The following GATAD2A variants were observed in gnomAD, a reference collection of about 807,000 sequenced individuals.
GATAD2A encodes the protein transcriptional repressor p66-alpha.
In GATAD2A, 12 loss-of-function variants were observed where a neutral mutation model predicts 68.5. The observed-to-expected ratio is 0.18, with a 90% CI of 0.11 to 0.28. The LOEUF (loss-of-function observed/expected upper bound fraction) is 0.28. Among genes scored for constraint, GATAD2A ranks in the 10% least tolerant of loss-of-function variants. GATAD2A has a pLI of 1.00. For missense variants in GATAD2A, 755 were observed against 868.5 expected, an observed-to-expected ratio of 0.87 and a Z score of 1.64; for synonymous variants, 410 against 375.3, an observed-to-expected ratio of 1.09 and a Z score of -1.07.
intron 10 of GATAD2A, 141 bp downstream of exon 10, chr19:19,502,184 T>G: frequency 1.2e-6 from 1 of 860,976 alleles, no homozygotes; most frequent in Non-Finnish European, 1.8e-6. Context: ...CCCCTCTGTG[T>G]AACTTACCTG....
At chr19:19,429,144 G>A (rs1343819872) in intron 1 of GATAD2A, 9 of 974,152 alleles carry the variant, frequency 9.2e-6, no homozygotes, top group African/African-American at 5.3e-5. Context: ...GAGGTGATGC[G>A]CAAGCGCCTT....
rs2057762682 is a variant in GATAD2A, at chr19:19,465,092, T to A, written c.-6-248T>A. 13 of 568,682 alleles carry A rather than the reference T, an allele frequency of 2.3e-5. No individual in the cohort carries two copies. In the South Asian group the frequency reaches 2.5e-4, roughly 11 times the overall value. The allele number at this position is 568,682 out of a possible 1,614,324, so 35.2% of individuals were successfully genotyped here. ...GCCTCTGGCCCCCAACAGGGCAGGGTGTAGTTTGGCTCCACCAATGTTCAG... is the reference window on the plus strand; with the variant it reads ...GCCTCTGGCCCCCAACAGGGCAGGGAGTAGTTTGGCTCCACCAATGTTCAG... On this transcript the variant is annotated intron_variant, in intron 1 of 11. Coordinates refer to ENST00000683918, the MANE Select transcript of GATAD2A (RefSeq NM_001384528.1).
chr19:19,446,683 T>A (rs1366960213), intron 1 of GATAD2A, among the ~76,000 whole-genome samples: 1 of 152,198 alleles, frequency 6.6e-6, no homozygotes, highest in Non-Finnish European at 1.5e-5. Context: ...TTTCATCCAT[T>A]TTGAGTTAAT....
intron 2 of GATAD2A, among the ~76,000 whole-genome samples, chr19:19,480,342 A>G (rs2058969253): frequency 6.6e-6 from 1 of 152,220 alleles, no homozygotes; most frequent in Non-Finnish European, 1.5e-5. Flanking sequence ...CAGATTTGTC[A>G]ATGTCACCAC....
At chr19:19,403,906 G>A (rs2049972312), upstream of GATAD2A, among the ~76,000 whole-genome samples, 1 of 152,162 alleles carries the variant, frequency 6.6e-6, no homozygotes, top group African/African-American at 2.4e-5. Flanking sequence ...CGAGTCACCT[G>A]TTTGAGAATA....
At chr19:19,456,110 C>T (rs2056900640) in intron 1 of GATAD2A, among the ~76,000 whole-genome samples, 1 of 148,612 alleles carries the variant, frequency 6.7e-6, no homozygotes. Flanking sequence ...GCCGAGATCG[C>T]GCCACTGCAC....
chr19:19,425,822 C>T (rs1427033595), intron 1 of GATAD2A, among the ~76,000 whole-genome samples: 2 of 151,210 alleles, frequency 1.3e-5, no homozygotes, highest in African/African-American at 4.9e-5. Flanking sequence ...CAAGGTCTGG[C>T]TCTGTCGCCC....
At chr19:19,400,100 T>C (rs951716801) in intron 1 of GATAD2A, among the ~76,000 whole-genome samples, 1 of 152,090 alleles carries the variant, frequency 6.6e-6, no homozygotes, top group Admixed American at 6.6e-5. Context: ...TTAAACCATA[T>C]GTAGACACAA....
chr19:19,415,839 A>T (rs2051554239), intron 1 of GATAD2A, among the ~76,000 whole-genome samples: 1 of 151,084 alleles, frequency 6.6e-6, no homozygotes, highest in Non-Finnish European at 1.5e-5. Context: ...GATGGTCTTG[A>T]TCCCTTGACC....
chr19:19,477,366 G>T (rs531356239), intron 2 of GATAD2A, among the ~76,000 whole-genome samples: 3 of 152,230 alleles, frequency 2.0e-5, no homozygotes, highest in Non-Finnish European at 4.4e-5. Flanking sequence ...AAGCTTTGGG[G>T]GTTCATGCGA....
chr19:19,440,238 A>ATTTTAT, intron 1 of GATAD2A: 1 of 264,458 alleles, frequency 3.8e-6, no homozygotes, highest in Non-Finnish European at 7.3e-6. Context: ...GGATTTGCTC[A>ATTTTAT]TTTTATTTTT....
At chr19:19,436,681 G>T (rs573151381) in intron 1 of GATAD2A, among the ~76,000 whole-genome samples, 1 of 152,186 alleles carries the variant, frequency 6.6e-6, no homozygotes, top group African/African-American at 2.4e-5. Context: ...CCCCCGCTGC[G>T]TGGAGCTCTT....
At chr19:19,454,612 A>T (rs918340428) in intron 1 of GATAD2A, among the ~76,000 whole-genome samples, 29 of 150,868 alleles carry the variant, frequency 1.9e-4, no homozygotes, top group Non-Finnish European at 4.0e-4. Context: ...AAAAAAAAAA[A>T]TTTATTGGAG....
chr19:19,403,309 C>T (rs1395418860), upstream of GATAD2A, among the ~76,000 whole-genome samples: 1 of 152,132 alleles, frequency 6.6e-6, no homozygotes. Flanking sequence ...CAACCTGAGC[C>T]TATGGGACCC....
In GATAD2A at chr19:19,506,143, C is replaced by G. The variant is rs1268844793; in HGVS notation, c.*669C>G. 2.5e-6 allele frequency: 1 copy of G among 398,858 alleles called. No individual in the cohort carries two copies. Among genetic ancestry groups the G allele is most frequent in the African/African-American group, 2.1e-5 (1 of 48,610 alleles). The allele number at this position is 398,858 out of a possible 1,614,324, so 24.7% of individuals were successfully genotyped here. A position where few individuals can be genotyped will look rare whatever the true frequency, so the allele number is the denominator to read the frequency against. ...ACGGCCGGCCCGCCCCCGTGACTGA[C>G]TGACAGATGCAGGGATGGCCGAGGC... On this transcript the variant is annotated 3_prime_UTR_variant, in exon 12 of 12. Coordinates refer to ENST00000683918, the MANE Select transcript of GATAD2A (RefSeq NM_001384528.1).
intron 1 of GATAD2A, among the ~76,000 whole-genome samples, chr19:19,439,350 G>T (rs1251952883): frequency 1.3e-5 from 2 of 152,174 alleles, no homozygotes; most frequent in Admixed American, 1.3e-4. Flanking sequence ...CACAGGACAG[G>T]TAATGCACAT....
chr19:19,476,632 C>A (rs939190228), intron 2 of GATAD2A, among the ~76,000 whole-genome samples: 2 of 152,338 alleles, frequency 1.3e-5, no homozygotes, highest in Non-Finnish European at 2.9e-5. Context: ...GAGAGCCAGT[C>A]CTGTCCCTCA....
intron 1 of GATAD2A, among the ~76,000 whole-genome samples, chr19:19,413,451 T>G (rs2147146009): frequency 6.6e-6 from 1 of 152,338 alleles, no homozygotes; most frequent in African/African-American, 2.4e-5. Context: ...GTAGTGTCCC[T>G]GGGTTTGCCG....
intron 7 of GATAD2A, 33 bp downstream of exon 7, chr19:19,496,252 T>A (rs1473854551): frequency 5.0e-6 from 8 of 1,594,580 alleles, no homozygotes; most frequent in East Asian, 2.2e-5. Flanking sequence ...CCAGGGAGAG[T>A]GTGTGTCCCA....
Sources: allele counts gnomAD v4.1 joint callset (sites outside exome capture counted in the v4.1 genomes callset), GRCh38; gene constraint gnomAD v4.1.1; transcripts MANE v1.5; gene names NCBI Gene and HGNC (gene_info 2026-07-23, HGNC 2026-07-21).